The following CAMK2B variants were observed in gnomAD, a reference collection of about 807,000 sequenced individuals.
CAMK2B encodes the protein calcium/calmodulin-dependent protein kinase type II subunit beta.
CAMK2B carries 27 observed loss-of-function variants against 93.7 expected under a neutral mutation model. That is an observed-to-expected ratio of 0.29 (90% confidence interval 0.21 to 0.40). The LOEUF is 0.40. Ranked by LOEUF, CAMK2B falls within the 10% of genes least tolerant of loss-of-function variation. CAMK2B has a pLI of 1.00. For synonymous variants in CAMK2B, 374 were observed against 358.8 expected (o/e 1.04, Z -0.48); for missense variants, 568 against 895.8 (o/e 0.63, Z 4.67).
intron 1 of CAMK2B, among the ~76,000 whole-genome samples, chr7:44,303,650 T>TA (rs1790702641): frequency 6.6e-6 from 1 of 152,176 alleles, no homozygotes; most frequent in Admixed American, 6.5e-5. Context: ...TTAAAACTTC[T>TA]AAAAAATAAC....
At chr7:44,259,796 T>A (rs757807799) in intron 3 of CAMK2B, among the ~76,000 whole-genome samples, 6 of 152,102 alleles carry the variant, frequency 3.9e-5, no homozygotes, top group Non-Finnish European at 7.4e-5. Context: ...TTTTGGACAC[T>A]CTCCCACGTG....
chr7:44,264,635 C>T (rs1485383758), intron 2 of CAMK2B, among the ~76,000 whole-genome samples: 1 of 152,172 alleles, frequency 6.6e-6, no homozygotes, highest in Non-Finnish European at 1.5e-5. Context: ...CCAGGGCATA[C>T]CTGCTCCCTC....
chr7:44,235,355 C>T (rs2096615719), intron 13 of CAMK2B, among the ~76,000 whole-genome samples: 1 of 152,264 alleles, frequency 6.6e-6, no homozygotes, highest in South Asian at 2.1e-4. Context: ...TTTCTGCCCA[C>T]AAGCCCCTGA....
At chr7:44,321,102 C>T (rs1169382857) in intron 1 of CAMK2B, among the ~76,000 whole-genome samples, 1 of 152,210 alleles carries the variant, frequency 6.6e-6, no homozygotes, top group African/African-American at 2.4e-5. Context: ...CTGGTGTGCT[C>T]TGGGGAGAGA....
At chr7:44,282,545 C>T (rs561523163) in intron 2 of CAMK2B, among the ~76,000 whole-genome samples, 3 of 152,348 alleles carry the variant, frequency 2.0e-5, no homozygotes, top group East Asian at 1.9e-4. Context: ...CCCTGGGCAC[C>T]GCCAAGCCCC....
intron 19 of CAMK2B, among the ~76,000 whole-genome samples, chr7:44,228,523 A>AT (rs1439206873): frequency 3.3e-5 from 5 of 152,022 alleles, no homozygotes; most frequent in South Asian, 2.1e-4. Flanking sequence ...TGGGACAGAC[A>AT]TTTTGGAGAG....
chr7:44,272,285 G>A (rs2096982228), intron 2 of CAMK2B, among the ~76,000 whole-genome samples: 1 of 152,106 alleles, frequency 6.6e-6, no homozygotes, highest in South Asian at 2.1e-4. Context: ...TCTGAGGGCA[G>A]CACAAGTCTA....
chr7:44,273,979 G>A (rs2097003210), intron 2 of CAMK2B, among the ~76,000 whole-genome samples: 1 of 152,152 alleles, frequency 6.6e-6, no homozygotes, highest in Non-Finnish European at 1.5e-5. Flanking sequence ...AGAGGACTGT[G>A]CAACAGAAGC....
chr7:44,232,407 AGAG>A (rs953761684), intron 16 of CAMK2B, among the ~76,000 whole-genome samples: 1 of 152,164 alleles, frequency 6.6e-6, no homozygotes, highest in Admixed American at 6.5e-5. Flanking sequence ...AGAGGGGAGC[AGAG>A]GAGGGAGGGT....
At chr7:44,281,659 C>T (rs1009166257) in intron 2 of CAMK2B, among the ~76,000 whole-genome samples, 2 of 152,184 alleles carry the variant, frequency 1.3e-5, no homozygotes, top group Non-Finnish European at 2.9e-5. Context: ...CCCTTGGTCA[C>T]ACCCATAATG....
chr7:44,294,009 C>T (rs140891442), intron 1 of CAMK2B, among the ~76,000 whole-genome samples: 19 of 152,310 alleles, frequency 1.2e-4, no homozygotes, highest in Non-Finnish European at 1.9e-4. Context: ...AGAATGCCAA[C>T]GGCAGCAAGG....
intron 1 of CAMK2B, among the ~76,000 whole-genome samples, chr7:44,295,991 G>A (rs1215165846): frequency 6.6e-6 from 1 of 152,082 alleles, no homozygotes; most frequent in Non-Finnish European, 1.5e-5. Flanking sequence ...TCAACATCCT[G>A]CTGTCACATT....
At chr7:44,275,754 C>T (rs1281853522) in intron 2 of CAMK2B, among the ~76,000 whole-genome samples, 1 of 152,164 alleles carries the variant, frequency 6.6e-6, no homozygotes, top group Non-Finnish European at 1.5e-5. Flanking sequence ...GGTGGCCCTC[C>T]CCCTGGGAGG....
chr7:44,235,624 C>T (rs1393957411), intron 13 of CAMK2B, among the ~76,000 whole-genome samples: 1 of 152,222 alleles, frequency 6.6e-6, no homozygotes, highest in Admixed American at 6.5e-5. Context: ...CGGGCAGGGG[C>T]GCAAGACTGC....
At chr7:44,295,297 G>C (rs527576076) in intron 1 of CAMK2B, among the ~76,000 whole-genome samples, 5 of 152,364 alleles carry the variant, frequency 3.3e-5, no homozygotes, top group African/African-American at 9.6e-5. Context: ...TGTCCTTACA[G>C]ACAAAAAGCT....
chr7:44,284,311 C>T, intron 1 of CAMK2B, 86 bp from the exon 2 acceptor site: 1 of 965,820 alleles, frequency 1.0e-6, no homozygotes, highest in Non-Finnish European at 1.6e-6. Context: ...CCCATAAACA[C>T]TCCCCATTAA....
intron 20 of CAMK2B, among the ~76,000 whole-genome samples, chr7:44,226,171 G>A (rs1195522017): frequency 1.3e-5 from 2 of 152,162 alleles, no homozygotes; most frequent in East Asian, 3.9e-4. Flanking sequence ...CTCCTGGCGT[G>A]CTAGCCCTTG....
Position 44,228,903 on chromosome 7 carries a change from A to G in CAMK2B, c.1361T>C (p.Leu454Pro), listed in dbSNP as rs1344342135. 4 of 1,606,490 alleles carry G rather than the reference A, an allele frequency of 2.5e-6. No homozygotes were observed. In the Admixed American group the frequency reaches 6.7e-5, roughly 27 times the overall value. Residue 454 changes from leucine to proline, a missense_variant, in exon 19 of 24, where the codon CTG (leucine) becomes CCG (proline). Leu to Pro is a moderately conservative substitution (Grantham distance 98). Around this residue, in one of 4 missense-constraint regions of CAMK2B, gnomAD observed 308 missense variants for 292.1 expected, o/e 1.05. Transcript: ENST00000395749. ...TCCTGAACCCCTTCTCACAGAGTTC[A>G]GGATGTCAGAGATCCTGGGGGCTGG... is the stretch of plus-strand genomic sequence containing the variant. The part of the protein sequence containing the change: ...PAPSPRISDI[L>P]NSVRRGSGTP...
At chr7:44,325,257 C>A in intron 1 of CAMK2B, 100 bp downstream of exon 1, 5 of 601,792 alleles carry the variant, frequency 8.3e-6, no homozygotes, top group Non-Finnish European at 1.0e-5. Flanking sequence ...GCCGGCGGCG[C>A]GCGGGCCCGC....
Sources: allele counts gnomAD v4.1 joint callset (sites outside exome capture counted in the v4.1 genomes callset), GRCh38; gene constraint gnomAD v4.1.1; regional missense constraint gnomAD v4.1.1; transcripts MANE v1.5; gene names NCBI Gene and HGNC (gene_info 2026-07-23, HGNC 2026-07-21).